Variants in CACNA1C observed in about 807,000 individuals in gnomAD.
CACNA1C encodes the protein voltage-dependent L-type calcium channel subunit alpha-1C.
In CACNA1C, 30 loss-of-function variants were observed where a neutral mutation model predicts 229.0. That is an observed-to-expected ratio of 0.13 (90% confidence interval 0.10 to 0.18). The LOEUF is 0.18. Among genes scored for constraint, CACNA1C ranks in the 10% least tolerant of loss-of-function variants. CACNA1C has a pLI of 1.00. For missense variants in CACNA1C, 1,658 were observed against 2,845.0 expected, an observed-to-expected ratio of 0.58 and a Z score of 9.49; for synonymous variants, 1,114 against 1,132.5, an observed-to-expected ratio of 0.98 and a Z score of 0.33.
At chr12:1,996,781 C>T (rs946755644) in intron 1 of CACNA1C, among the ~76,000 whole-genome samples, 2 of 152,110 alleles carry the variant, frequency 1.3e-5, no homozygotes, top group African/African-American at 4.8e-5. Context: ...CTTCCATGAT[C>T]ACAGCAGCCC....
intron 1 of CACNA1C, among the ~76,000 whole-genome samples, chr12:2,101,627 G>A (rs1447714881): frequency 1.3e-5 from 2 of 152,170 alleles, no homozygotes; most frequent in African/African-American, 2.4e-5. Context: ...CGTGACCCAC[G>A]AGGCTGGGTG....
intron 3 of CACNA1C, among the ~76,000 whole-genome samples, chr12:2,352,916 A>G (rs2097248916): frequency 6.6e-6 from 1 of 152,238 alleles, no homozygotes; most frequent in South Asian, 2.1e-4. Context: ...CGAGGACCAA[A>G]TCAGACTCTG....
At chr12:2,078,290 C>CTAG (rs1183774225) in intron 1 of CACNA1C, among the ~76,000 whole-genome samples, 3 of 152,176 alleles carry the variant, frequency 2.0e-5, no homozygotes, top group African/African-American at 7.2e-5. Flanking sequence ...GTTCCAGCCT[C>CTAG]TAGAACTGTG....
intron 3 of CACNA1C, among the ~76,000 whole-genome samples, chr12:2,252,343 C>T (rs1190056040): frequency 1.3e-5 from 2 of 152,194 alleles, no homozygotes; most frequent in Non-Finnish European, 2.9e-5. Flanking sequence ...AGAGTGGCCT[C>T]TGCAATCTGG....
rs2068934472 is a variant in CACNA1C, at chr12:2,597,516, G to T, written c.2853+227G>T. 1 of 1,474,132 alleles carries T rather than the reference G, an allele frequency of 6.8e-7. No homozygotes were observed. Among genetic ancestry groups the T allele is most frequent in the Non-Finnish European group, 9.5e-7 (1 of 1,052,596 alleles). The allele number at this position is 1,474,132 out of a possible 1,614,324, so 91.3% of individuals were successfully genotyped here. A position where few individuals can be genotyped will look rare whatever the true frequency, so the allele number is the denominator to read the frequency against. ...CTTAAGGTAATGCAACCTGGGCAAT[G>T]CATCCTCTGTCGCTTTCTTTGTCTA... is the stretch of plus-strand genomic sequence containing the variant. On this transcript the variant is annotated intron_variant, in intron 21 of 46. Transcript: ENST00000399655. This position sits in a 1 kb window ranked among gnomAD's most constrained non-coding sequence, Gnocchi z 4.3.
At chr12:2,627,607 G>T (rs1445509182) in intron 29 of CACNA1C, among the ~76,000 whole-genome samples, 1 of 152,130 alleles carries the variant, frequency 6.6e-6, no homozygotes, top group Non-Finnish European at 1.5e-5. Flanking sequence ...TCCAGTGCTT[G>T]CTCACTCAAG....
chr12:2,016,866 C>T (rs771963067), intron 1 of CACNA1C, among the ~76,000 whole-genome samples: 2 of 152,278 alleles, frequency 1.3e-5, no homozygotes, highest in East Asian at 3.9e-4. Context: ...TGATGTAGGA[C>T]GTGGCCTGGG....
intron 5 of CACNA1C, among the ~76,000 whole-genome samples, chr12:2,471,399 A>G (rs2099591552): frequency 6.6e-6 from 1 of 152,140 alleles, no homozygotes; most frequent in South Asian, 2.1e-4. Flanking sequence ...TTACCTACTT[A>G]TTTACTGTTT....
intron 3 of CACNA1C, among the ~76,000 whole-genome samples, chr12:2,393,922 A>G (rs1365211616): frequency 3.3e-5 from 5 of 151,818 alleles, no homozygotes; most frequent in Non-Finnish European, 5.9e-5. Flanking sequence ...CCCGGGCAAC[A>G]TAGCCAGATC....
chr12:2,264,645 G>T (rs967369096), intron 3 of CACNA1C, among the ~76,000 whole-genome samples: 3 of 152,186 alleles, frequency 2.0e-5, no homozygotes, highest in African/African-American at 7.2e-5. Flanking sequence ...TTTACTGCCC[G>T]ATCAGGGTTT....
At chr12:2,179,742 A>G (rs1018469165) in intron 3 of CACNA1C, among the ~76,000 whole-genome samples, 6 of 152,226 alleles carry the variant, frequency 3.9e-5, no homozygotes, top group African/African-American at 1.4e-4. Flanking sequence ...AAGTTTCCTA[A>G]TAATGACCAC....
intron 3 of CACNA1C, among the ~76,000 whole-genome samples, chr12:2,313,140 C>T (rs1272784671): frequency 6.6e-6 from 1 of 152,168 alleles, no homozygotes; most frequent in East Asian, 1.9e-4. Context: ...GCCCTGAGTC[C>T]ACCCAGCCAC....
chr12:2,281,209 T>C (rs2091159060), intron 3 of CACNA1C, among the ~76,000 whole-genome samples: 1 of 150,010 alleles, frequency 6.7e-6, no homozygotes, highest in South Asian at 2.1e-4. Context: ...ATAGCACACT[T>C]AGATCACTCC....
intron 3 of CACNA1C, among the ~76,000 whole-genome samples, chr12:2,193,683 G>A (rs1224409495): frequency 6.6e-6 from 1 of 152,212 alleles, no homozygotes; most frequent in Non-Finnish European, 1.5e-5. Flanking sequence ...CCACCCAGCC[G>A]AGGAGGCCCT....
At chr12:2,301,474 G>GTTCT (rs2094555013) in intron 3 of CACNA1C, among the ~76,000 whole-genome samples, 1 of 152,092 alleles carries the variant, frequency 6.6e-6, no homozygotes, top group African/African-American at 2.4e-5. Context: ...AATGAGCAAG[G>GTTCT]TTCTGTTAGT....
intron 3 of CACNA1C, among the ~76,000 whole-genome samples, chr12:2,448,486 G>A (rs188181328): frequency 6.6e-4 from 100 of 152,238 alleles, no homozygotes; most frequent in African/African-American, 2.1e-3. Flanking sequence ...TTTTTGCTCT[G>A]TCTTTTGGAG....
intron 1 of CACNA1C, among the ~76,000 whole-genome samples, chr12:2,075,646 G>C (rs1295520455): frequency 6.6e-6 from 1 of 152,218 alleles, no homozygotes; most frequent in African/African-American, 2.4e-5. Flanking sequence ...GCAGTCCATA[G>C]GTTGGCAGAA....
At chr12:2,277,563 G>C (rs1028549159) in intron 3 of CACNA1C, among the ~76,000 whole-genome samples, 1 of 152,182 alleles carries the variant, frequency 6.6e-6, no homozygotes, top group African/African-American at 2.4e-5. Flanking sequence ...GGCAGCAACA[G>C]TGGGGTCCAC....
Position 2,567,563 on chromosome 12 carries a change from T to C in CACNA1C, c.1670-6T>C. 2 of 1,570,806 alleles carry C rather than the reference T, an allele frequency of 1.3e-6. No individual in the cohort carries two copies. Among genetic ancestry groups the C allele is most frequent in the Middle Eastern group, 1.7e-4 (1 of 5,980 alleles). On this transcript the variant is annotated splice_region_variant and splice_polypyrimidine_tract_variant and intron_variant, in intron 12 of 46. Coordinates refer to ENST00000399655, the MANE Select transcript of CACNA1C (RefSeq NM_000719.7). ...TCGGATCTCATCCCTCTCCTGGGCC[T>C]GCCAGACACGGCAAACAAGGCCCTG...
Sources: allele counts gnomAD v4.1 joint callset (sites outside exome capture counted in the v4.1 genomes callset), GRCh38; gene constraint gnomAD v4.1.1; non-coding constraint Gnocchi (gnomAD v3.1); transcripts MANE v1.5; gene names NCBI Gene and HGNC (gene_info 2026-07-23, HGNC 2026-07-21).